FHL5: variants seen among roughly 807,000 people sequenced by gnomAD.
FHL5 encodes the protein four and a half LIM domains protein 5.
A neutral mutation model predicts 32.0 loss-of-function variants in FHL5; 33 were observed. The ratio of observed to expected loss-of-function variants is 1.03; its 90% CI spans 0.78 to 1.38. The LOEUF (loss-of-function observed/expected upper bound fraction) is 1.38. FHL5 is among the 40% of genes most tolerant of loss of function. The probability of loss-of-function intolerance (pLI) is 0.00; values close to 1 mark genes in which losing one functional copy is unlikely to be tolerated. For missense variants in FHL5, 336 were observed against 343.9 expected (o/e 0.98, Z 0.18); for synonymous variants, 114 against 113.6 (o/e 1.00, Z -0.02).
At chr6:96,585,890 C>T (rs1167960324) in intron 1 of FHL5, among the ~76,000 whole-genome samples, 1 of 152,132 alleles carries the variant, frequency 6.6e-6, no homozygotes, top group Non-Finnish European at 1.5e-5. Flanking sequence ...AGTAATAAGA[C>T]ACATATAAGT....
chr6:96,575,386 G>A (rs1032044298), intron 1 of FHL5, among the ~76,000 whole-genome samples: 28 of 152,094 alleles, frequency 1.8e-4, no homozygotes, highest in East Asian at 1.9e-4. Flanking sequence ...TTGTTAATGC[G>A]GGAGTAGAAA....
chr6:96,592,663 T>C (rs756354125), intron 1 of FHL5, among the ~76,000 whole-genome samples: 28 of 152,260 alleles, frequency 1.8e-4, no homozygotes, highest in Admixed American at 5.9e-4. Context: ...TGTTTAGAGA[T>C]TGCAGTAAAG....
At chr6:96,565,301 A>G (rs1178499304) in intron 1 of FHL5, among the ~76,000 whole-genome samples, 8 of 152,222 alleles carry the variant, frequency 5.3e-5, no homozygotes, top group South Asian at 4.1e-4. Flanking sequence ...TTTGAAAACA[A>G]TAGTGTGATG....
chr6:96,605,325 C>T (rs943015037), intron 3 of FHL5, among the ~76,000 whole-genome samples: 6 of 152,182 alleles, frequency 3.9e-5, no homozygotes, highest in South Asian at 2.1e-4. Context: ...TTTTGAGGAT[C>T]GGTTATTGTT....
chr6:96,593,598 T>A (rs549841081), intron 1 of FHL5, among the ~76,000 whole-genome samples: 63 of 152,278 alleles, frequency 4.1e-4, no homozygotes, highest in Non-Finnish European at 7.4e-4. Flanking sequence ...TACACAATGA[T>A]AAGCTTACCA....
At chr6:96,566,448 TGCTGCA>T (rs1427717298) in intron 1 of FHL5, among the ~76,000 whole-genome samples, 1 of 152,078 alleles carries the variant, frequency 6.6e-6, no homozygotes, top group Non-Finnish European at 1.5e-5. Flanking sequence ...TTGTGAGTAG[TGCTGCA>T]ATAAACATGG....
chr6:96,573,712 G>A (rs757282055), intron 1 of FHL5, among the ~76,000 whole-genome samples: 4 of 151,188 alleles, frequency 2.6e-5, no homozygotes, highest in Admixed American at 6.6e-5. Context: ...TAGTAGAGAC[G>A]GGGTTTCACC....
At position 96,615,816 on chromosome 6, in the gene FHL5, C is replaced by T. The variant is rs762523135; in HGVS notation, c.*44C>T. On this transcript the variant is annotated 3_prime_UTR_variant, in exon 6 of 6. Transcript: ENST00000450218. Reference sequence around the variant, plus strand: ...CTAAAATCCATTTTGCCTTCGTTGTCACTAAAGCCAGAACTCAGTTGCGGT... The same window carrying T: ...CTAAAATCCATTTTGCCTTCGTTGTTACTAAAGCCAGAACTCAGTTGCGGT... 1 of 1,482,312 alleles carries T rather than the reference C, an allele frequency of 6.7e-7. No homozygotes were observed. Among genetic ancestry groups the T allele is most frequent in the South Asian group, 1.3e-5 (1 of 76,244 alleles). The allele number at this position is 1,482,312 out of a possible 1,614,324, so 91.8% of individuals were successfully genotyped here.
At chr6:96,593,207 G>C (rs891061676) in intron 1 of FHL5, among the ~76,000 whole-genome samples, 2 of 151,142 alleles carry the variant, frequency 1.3e-5, no homozygotes, top group African/African-American at 4.9e-5. Context: ...TTAATTCTCT[G>C]CAAAATTTTT....
intron 4 of FHL5, among the ~76,000 whole-genome samples, chr6:96,608,757 A>C (rs189372132): frequency 8.1e-4 from 123 of 152,324 alleles, no homozygotes; most frequent in Non-Finnish European, 1.5e-3. Flanking sequence ...GAGATCAATC[A>C]GTGGTGAAAA....
upstream of FHL5, chr6:96,563,120 T>C (rs1039263713): frequency 6.6e-6 from 1 of 152,160 alleles, no homozygotes; most frequent in Admixed American, 6.5e-5. Context: ...ATAGTGCTTT[T>C]TCAGCCCAGT....
Position 96,617,104 on chromosome 6 carries a change from C to T in FHL5, c.*1332C>T, listed in dbSNP as rs1013729626. On this transcript the variant is annotated 3_prime_UTR_variant, in exon 6 of 6. Coordinates refer to ENST00000450218, the MANE Select transcript of FHL5 (RefSeq NM_001322466.2). ...TCACCAGGTTTATCTTTATACCAGACTTTAACTGATCATGACCCTATCTTG... is the reference window on the plus strand; with the variant it reads ...TCACCAGGTTTATCTTTATACCAGATTTTAACTGATCATGACCCTATCTTG... Among the ~76,000 whole-genome samples the T allele has an allele frequency of 5.9e-5, 9 of 152,210 alleles. No homozygotes were observed. Among genetic ancestry groups the T allele is most frequent in the Admixed American group, 1.3e-4 (2 of 15,284 alleles).
intron 4 of FHL5, among the ~76,000 whole-genome samples, chr6:96,608,425 G>T (rs984283429): frequency 5.3e-5 from 8 of 151,940 alleles, no homozygotes; most frequent in African/African-American, 1.9e-4. Context: ...AGCTAGATTT[G>T]TTTTTGATCA....
At chr6:96,575,100 T>C (rs1770557332) in intron 1 of FHL5, among the ~76,000 whole-genome samples, 1 of 152,224 alleles carries the variant, frequency 6.6e-6, no homozygotes, top group African/African-American at 2.4e-5. Context: ...CTATAATAAC[T>C]AGCATCATCA....
Position 96,605,862 on chromosome 6 carries a change from G to T in FHL5, c.335-40G>T, listed in dbSNP as rs1390460780. On this transcript the variant is annotated intron_variant, in intron 3 of 5. Coordinates refer to ENST00000450218, the MANE Select transcript of FHL5 (RefSeq NM_001322466.2). ...GTATTTGCTTAAAAAATAAAATTAT[G>T]CTTGACTTATACTAACATGGCCTTA... The T allele has an allele frequency of 4.5e-6, 7 of 1,554,824 alleles. No homozygotes were observed. The East Asian group carries it at 1.6e-4, about 35-fold the overall frequency.
intron 1 of FHL5, among the ~76,000 whole-genome samples, chr6:96,602,426 CTTTTTTTTTTTTTTTTTTTTTT>C (rs1168636713): frequency 1.2e-3 from 39 of 33,704 alleles, no homozygotes; most frequent in African/African-American, 2.6e-3. Flanking sequence ...TGCGTTGTTT[CTTTTTTTTTTTTTTTTTTTTTT>C]TTTTTTTTTT....
chr6:96,610,519 A>T (rs979691076), intron 4 of FHL5, 53 bp from the exon 5 acceptor site: 20 of 1,312,780 alleles, frequency 1.5e-5, no homozygotes, highest in Admixed American at 1.8e-5. Flanking sequence ...TCATGAAATG[A>T]TCTGAATTGT....
intron 1 of FHL5, among the ~76,000 whole-genome samples, chr6:96,577,848 C>G (rs1770614980): frequency 6.6e-6 from 1 of 151,552 alleles, no homozygotes; most frequent in African/African-American, 2.4e-5. Flanking sequence ...TTACCAACTT[C>G]TACGTGGAAA....
chr6:96,602,534 C>T (rs1771176105), intron 1 of FHL5, among the ~76,000 whole-genome samples: 1 of 145,846 alleles, frequency 6.9e-6, no homozygotes, highest in Non-Finnish European at 1.5e-5. Flanking sequence ...GCAAGCTCCG[C>T]CTCCCGGGTT....
Sources: gnomAD v4.1 joint callset for allele counts (sites outside exome capture counted in the v4.1 genomes callset) on GRCh38, gnomAD v4.1.1 for gene constraint, MANE v1.5 for transcripts, NCBI Gene and HGNC (gene_info 2026-07-23, HGNC 2026-07-21) for gene names.